CSMD1: variants seen among roughly 807,000 people sequenced by gnomAD.
CSMD1 encodes the protein CUB and Sushi multiple domains 1, also known as CUB and sushi domain-containing protein 1.
CSMD1 carries 213 observed loss-of-function variants against 417.5 expected under a neutral mutation model. That is an observed-to-expected ratio of 0.51 (90% CI 0.46 to 0.57). CSMD1 has a LOEUF of 0.57. Among genes scored for constraint, CSMD1 ranks in the 20% least tolerant of loss-of-function variants. CSMD1 has a pLI of 0.00. For synonymous variants in CSMD1, 2,862 were observed against 1,736.8 expected (o/e 1.65, Z -16.11); for missense variants, 6,923 against 4,529.7 (o/e 1.53, Z -15.17).
At chr8:3,819,194 T>G (rs988473839) in intron 5 of CSMD1, among the ~76,000 whole-genome samples, 18 of 152,006 alleles carry the variant, frequency 1.2e-4, no homozygotes, top group African/African-American at 4.4e-4. Flanking sequence ...AAACTCAATG[T>G]CTCCCAGGCT....
At chr8:4,463,635 G>A (rs890049121) in intron 2 of CSMD1, among the ~76,000 whole-genome samples, 1 of 152,044 alleles carries the variant, frequency 6.6e-6, no homozygotes, top group African/African-American at 2.4e-5. Context: ...CTACTAAATG[G>A]AAAGAGCTAG....
At chr8:3,109,242 C>T (rs1447457103) in intron 43 of CSMD1, among the ~76,000 whole-genome samples, 5 of 152,090 alleles carry the variant, frequency 3.3e-5, no homozygotes, top group African/African-American at 1.2e-4. Context: ...TCCAGCTGTG[C>T]GACAGGGCAA....
chr8:4,027,519 C>G (rs1797125006), intron 4 of CSMD1, among the ~76,000 whole-genome samples: 1 of 152,150 alleles, frequency 6.6e-6, no homozygotes. Context: ...ACCCTTCACT[C>G]TGTACTTCTC....
At chr8:3,319,329 G>C (rs1208584059) in intron 23 of CSMD1, among the ~76,000 whole-genome samples, 1 of 152,064 alleles carries the variant, frequency 6.6e-6, no homozygotes, top group African/African-American at 2.4e-5. Flanking sequence ...AGTCTTCATG[G>C]CAAAGTACAA....
In CSMD1 at chr8:4,280,407, C is replaced by G. The variant is rs1158278544; in HGVS notation, c.415+139546G>C. On this transcript the variant is annotated intron_variant, in intron 3 of 69. Coordinates refer to ENST00000635120, the MANE Select transcript of CSMD1 (RefSeq NM_033225.6). ...TTTTCTTCAGTTGTCTAGAATCTGA[C>G]AATTAAATTTTAGTACCGAAATGTG... 2.0e-5 allele frequency among the ~76,000 whole-genome samples: 3 copies of G among 152,170 alleles called. No homozygotes were observed. In the South Asian group the frequency reaches 6.2e-4, roughly 31 times the overall value.
intron 1 of CSMD1, among the ~76,000 whole-genome samples, chr8:4,692,954 A>G (rs1041134664): frequency 1.3e-5 from 2 of 152,194 alleles, no homozygotes; most frequent in Non-Finnish European, 2.9e-5. Flanking sequence ...CCAATCCCCA[A>G]GAGGTCACCT....
intron 3 of CSMD1, among the ~76,000 whole-genome samples, chr8:4,096,154 G>A (rs1011165308): frequency 6.6e-6 from 1 of 152,068 alleles, no homozygotes; most frequent in Admixed American, 6.6e-5. Flanking sequence ...TAATAGGTGA[G>A]GGCTGACTAA....
intron 18 of CSMD1, 44 bp downstream of exon 18, chr8:3,387,450 T>C (rs1401049801): frequency 6.6e-7 from 1 of 1,511,004 alleles, no homozygotes; most frequent in South Asian, 1.2e-5. Flanking sequence ...GTGCGCTGTC[T>C]CTGCACACCC....
intron 5 of CSMD1, among the ~76,000 whole-genome samples, chr8:3,972,574 T>C (rs886243815): frequency 8.5e-5 from 13 of 152,240 alleles, no homozygotes; most frequent in Non-Finnish European, 1.9e-4. Flanking sequence ...CCTCTTATGC[T>C]ATTCATCTTT....
At chr8:4,785,526 A>G (rs2117208005) in intron 1 of CSMD1, among the ~76,000 whole-genome samples, 1 of 152,222 alleles carries the variant, frequency 6.6e-6, no homozygotes. Context: ...AGCACCAGAG[A>G]GCTTGGTTTC....
At chr8:4,939,737 A>T (rs1244878925) in intron 1 of CSMD1, among the ~76,000 whole-genome samples, 1 of 152,166 alleles carries the variant, frequency 6.6e-6, no homozygotes, top group African/African-American at 2.4e-5. Context: ...TACAGCACAG[A>T]GAGTACGTGT....
intron 3 of CSMD1, among the ~76,000 whole-genome samples, chr8:4,071,233 G>C (rs912788754): frequency 2.6e-5 from 4 of 151,656 alleles, no homozygotes; most frequent in Admixed American, 2.6e-4. Context: ...CGTCTGTTAG[G>C]CCTGATATTG....
At chr8:3,501,130 T>C (rs1259504871) in intron 10 of CSMD1, among the ~76,000 whole-genome samples, 2 of 152,232 alleles carry the variant, frequency 1.3e-5, no homozygotes, top group African/African-American at 4.8e-5. Flanking sequence ...ATTCATTTGA[T>C]ATGGGTCCAT....
intron 33 of CSMD1, among the ~76,000 whole-genome samples, chr8:3,198,519 C>T (rs905551649): frequency 3.3e-5 from 5 of 152,150 alleles, no homozygotes; most frequent in African/African-American, 9.7e-5. Context: ...CAATGTAACA[C>T]CTTTTAATGC....
intron 5 of CSMD1, among the ~76,000 whole-genome samples, chr8:3,769,996 C>T (rs1287171769): frequency 6.6e-6 from 1 of 152,162 alleles, no homozygotes; most frequent in Non-Finnish European, 1.5e-5. Flanking sequence ...AGTGACCTGC[C>T]TTTTTCTTCC....
intron 3 of CSMD1, among the ~76,000 whole-genome samples, chr8:4,128,695 G>A (rs1396981964): frequency 6.6e-6 from 1 of 151,744 alleles, no homozygotes; most frequent in Non-Finnish European, 1.5e-5. Flanking sequence ...ACAACCTCAC[G>A]CCCACACACT....
At chr8:3,608,665 G>C (rs1472128216) in intron 8 of CSMD1, among the ~76,000 whole-genome samples, 1 of 151,658 alleles carries the variant, frequency 6.6e-6, no homozygotes, top group Non-Finnish European at 1.5e-5. Context: ...TCAGGAGGCT[G>C]AGGCAGGAGA....
chr8:4,574,583 G>T (rs1426441835), intron 2 of CSMD1, among the ~76,000 whole-genome samples: 1 of 152,182 alleles, frequency 6.6e-6, no homozygotes, highest in Non-Finnish European at 1.5e-5. Flanking sequence ...ATCTTGCTGA[G>T]TTCCAACTGC....
intron 3 of CSMD1, among the ~76,000 whole-genome samples, chr8:4,318,374 C>T (rs986459123): frequency 6.6e-6 from 1 of 152,082 alleles, no homozygotes; most frequent in Admixed American, 6.6e-5. Context: ...TGTGCACACT[C>T]TCGTACACAT....
Sources: allele counts gnomAD v4.1 joint callset (sites outside exome capture counted in the v4.1 genomes callset), GRCh38; gene constraint gnomAD v4.1.1; transcripts MANE v1.5; gene names NCBI Gene and HGNC (gene_info 2026-07-23, HGNC 2026-07-21).